Variants in ACOXL observed in about 807,000 individuals in gnomAD.
ACOXL encodes the protein acyl-coenzyme A oxidase-like protein.
Under a neutral mutation model 71.9 loss-of-function variants are expected in ACOXL, and 70 were observed. That is an observed-to-expected ratio of 0.97 (90% CI 0.80 to 1.19). ACOXL has a LOEUF of 1.19. ACOXL is among the 50% of genes most tolerant of loss of function. The probability of loss-of-function intolerance (pLI) is 0.00; values close to 1 mark genes in which losing one functional copy is unlikely to be tolerated. For synonymous variants in ACOXL, 253 were observed against 281.6 expected (o/e 0.90, Z 1.02); for missense variants, 703 against 736.3 (o/e 0.95, Z 0.52).
intron 10 of ACOXL, among the ~76,000 whole-genome samples, chr2:110,903,362 C>T (rs1045316038): frequency 6.6e-6 from 1 of 152,210 alleles, no homozygotes; most frequent in African/African-American, 2.4e-5. Context: ...AATAAAACAA[C>T]CCAAAATAAA....
chr2:111,019,920 G>A (rs2064666519), intron 14 of ACOXL, among the ~76,000 whole-genome samples: 1 of 152,120 alleles, frequency 6.6e-6, no homozygotes, highest in African/African-American at 2.4e-5. Flanking sequence ...GAGTGCAGTG[G>A]CACAATCTTG....
intron 9 of ACOXL, among the ~76,000 whole-genome samples, chr2:110,815,446 C>G (rs1325022536): frequency 6.6e-6 from 1 of 152,164 alleles, no homozygotes; most frequent in Admixed American, 6.5e-5. Context: ...TGGCCTCTAT[C>G]TGATGCTTGT....
chr2:110,799,037 G>A lies in ACOXL; in HGVS notation c.484G>A (p.Val162Ile), dbSNP rs1038399249. 1 of 1,613,766 alleles carries A rather than the reference G, an allele frequency of 6.2e-7. No individual in the cohort carries two copies. The highest frequency in any genetic ancestry group is 1.3e-5 in the African/African-American group (1 of 74,834). ...AGGGCCCCACTGTTTCATCGTTCCT[G>A]TCCGGGATGAAAACGGAAGCTTGTA... ...SQGPHCFIVPVRDENGSLYPG... is the reference protein window; with the variant it reads ...SQGPHCFIVPIRDENGSLYPG... Residue 162 changes from valine to isoleucine, a missense_variant, in exon 7 of 18, where the codon GTC becomes ATC. Coordinates refer to ENST00000439055, the MANE Select transcript of ACOXL (RefSeq NM_001142807.4).
chr2:110,879,047 G>T (rs1405914994), intron 10 of ACOXL, among the ~76,000 whole-genome samples: 1 of 142,090 alleles, frequency 7.0e-6, no homozygotes, highest in Non-Finnish European at 1.6e-5. Flanking sequence ...ACAGGGCGAG[G>T]CTCCGTTAAA....
intron 7 of ACOXL, among the ~76,000 whole-genome samples, chr2:110,799,332 C>G (rs1685669502): frequency 6.6e-6 from 1 of 152,192 alleles, no homozygotes; most frequent in African/African-American, 2.4e-5. Context: ...TCCAGCTTCT[C>G]AAATTTTCCA....
intron 13 of ACOXL, among the ~76,000 whole-genome samples, chr2:110,990,074 T>G (rs1170463102): frequency 6.6e-6 from 1 of 152,038 alleles, no homozygotes; most frequent in Non-Finnish European, 1.5e-5. Context: ...AAATGGTAAA[T>G]GTTTTGTTAT....
At chr2:110,883,726 G>A (rs10186144) in intron 10 of ACOXL, among the ~76,000 whole-genome samples, 48,991 of 151,948 alleles carry the variant, frequency 0.32, 8,153 homozygotes, top group Middle Eastern at 0.4. Flanking sequence ...TGATTTAAAT[G>A]TATTTTATTA....
intron 14 of ACOXL, among the ~76,000 whole-genome samples, chr2:111,027,857 T>G (rs1251605350): frequency 6.6e-6 from 1 of 152,080 alleles, no homozygotes; most frequent in Non-Finnish European, 1.5e-5. Context: ...TCACCTTGGT[T>G]CTCCTGTGCT....
At chr2:111,070,152 A>G (rs779535267) in intron 16 of ACOXL, among the ~76,000 whole-genome samples, 1 of 152,192 alleles carries the variant, frequency 6.6e-6, no homozygotes, top group Non-Finnish European at 1.5e-5. Flanking sequence ...ATTACTAGGT[A>G]TATACCCAGA....
At chr2:110,903,161 TG>T (rs1441313308) in intron 10 of ACOXL, among the ~76,000 whole-genome samples, 1 of 152,206 alleles carries the variant, frequency 6.6e-6, no homozygotes, top group Non-Finnish European at 1.5e-5. Flanking sequence ...GCAGGAAACA[TG>T]GGAAGTAATT....
chr2:110,743,069 T>G (rs1202493147), intron 1 of ACOXL, among the ~76,000 whole-genome samples: 4 of 152,240 alleles, frequency 2.6e-5, no homozygotes, highest in African/African-American at 9.6e-5. Context: ...CCTTTCACCC[T>G]TCACTTATTT....
At chr2:111,114,151 C>T (rs1246562817) in intron 17 of ACOXL, 1 of 152,710 alleles carries the variant, frequency 6.5e-6, no homozygotes, top group Non-Finnish European at 1.5e-5. Context: ...GGGATCACTC[C>T]TGTGGCTGCA....
In ACOXL at chr2:110,790,430, C is replaced by T. The variant is rs537846641; in HGVS notation, c.160-3220C>T. 9.9e-5 allele frequency among the ~76,000 whole-genome samples: 15 copies of T among 152,210 alleles called. No individual in the cohort carries two copies. The South Asian group carries it at 2.1e-3, about 21-fold the overall frequency. On this transcript the variant is annotated intron_variant, in intron 3 of 17. Transcript: ENST00000439055. ...TCACACTGTGGCCTCTGGAAGCTGC[C>T]GACCCTCATTGGGCATGTTATGATC...
intron 10 of ACOXL, among the ~76,000 whole-genome samples, chr2:110,859,597 C>T (rs748662342): frequency 2.0e-5 from 3 of 152,158 alleles, no homozygotes; most frequent in South Asian, 2.1e-4. Context: ...CTGCTGTTGA[C>T]GGCAGCCGGC....
chr2:110,735,584 C>T (rs563514637), intron 1 of ACOXL, among the ~76,000 whole-genome samples: 14 of 152,336 alleles, frequency 9.2e-5, no homozygotes, highest in African/African-American at 2.2e-4. Flanking sequence ...TGCTGGCCAT[C>T]GGCTCCCAGG....
chr2:110,816,912 C>T (rs945943699), intron 9 of ACOXL, among the ~76,000 whole-genome samples: 29 of 152,230 alleles, frequency 1.9e-4, no homozygotes, highest in Admixed American at 6.5e-4. Flanking sequence ...CTGTCTTCCT[C>T]TCTTGCTCAC....
chr2:110,976,402 A>G (rs1344952309), intron 12 of ACOXL, among the ~76,000 whole-genome samples: 4 of 152,268 alleles, frequency 2.6e-5, no homozygotes, highest in African/African-American at 9.6e-5. Context: ...ATAAAATGGA[A>G]TAATACCTTT....
At position 111,031,710 on chromosome 2, in the gene ACOXL, C is replaced by A. The variant is rs113914005; in HGVS notation, c.1365C>A (p.His455Gln). Residue 455 changes from histidine to glutamine, a missense_variant, in exon 15 of 18, where the codon CAC becomes CAA. By Grantham distance (24) the His-to-Gln change is conservative. Transcript: ENST00000439055. The stretch of plus-strand genomic sequence containing the variant: ...CTTCTCTGTCCCTGGCACACACTCA[C>A]CGAGGTCAGTTGGCTCCTGTTGAAT... ...HVASLSLAHTHRVTLEQFSLA... is the reference protein window; with the variant it reads ...HVASLSLAHTQRVTLEQFSLA... The A allele has an allele frequency of 1.5e-4, 241 of 1,614,158 alleles. No homozygotes were observed. The African/African-American group carries it at 2.8e-3, about 18-fold the overall frequency.
chr2:111,030,885 G>A (rs2065235053), intron 14 of ACOXL, among the ~76,000 whole-genome samples: 1 of 152,098 alleles, frequency 6.6e-6, no homozygotes, highest in African/African-American at 2.4e-5. Flanking sequence ...CCTAAATGAT[G>A]GTAATTACTA....
Sources: allele counts gnomAD v4.1 joint callset (sites outside exome capture counted in the v4.1 genomes callset), GRCh38; gene constraint gnomAD v4.1.1; transcripts MANE v1.5; gene names NCBI Gene and HGNC (gene_info 2026-07-23, HGNC 2026-07-21).